Variants in AGFG1 observed in about 807,000 individuals in gnomAD.
AGFG1 encodes the protein arf-GAP domain and FG repeat-containing protein 1.
AGFG1 carries 10 observed loss-of-function variants against 60.6 expected under a neutral mutation model. That is an observed-to-expected ratio of 0.16 (90% CI 0.10 to 0.28). The LOEUF is 0.28. Among genes scored for constraint, AGFG1 ranks in the 10% least tolerant of loss-of-function variants. The pLI is 1.00. For synonymous variants in AGFG1, 247 were observed against 242.9 expected (o/e 1.02, Z -0.16); for missense variants, 537 against 676.5 (o/e 0.79, Z 2.29).
At chr2:227,496,078 A>T (rs1373502079) in intron 2 of AGFG1, among the ~76,000 whole-genome samples, 1 of 149,876 alleles carries the variant, frequency 6.7e-6, no homozygotes, top group Non-Finnish European at 1.5e-5. Flanking sequence ...GTGCCACTGC[A>T]CTTCAGCCTG....
At chr2:227,509,426 G>T (rs941740589) in intron 2 of AGFG1, among the ~76,000 whole-genome samples, 1 of 151,968 alleles carries the variant, frequency 6.6e-6, no homozygotes, top group Non-Finnish European at 1.5e-5. Flanking sequence ...TTTTCTTTTT[G>T]CTATAAAGGC....
chr2:227,480,744 C>G (rs1463133995), intron 1 of AGFG1, among the ~76,000 whole-genome samples: 1 of 152,196 alleles, frequency 6.6e-6, no homozygotes, highest in Non-Finnish European at 1.5e-5. Flanking sequence ...GTTAGATGCT[C>G]TGTTTCCAGG....
intron 9 of AGFG1, 69 bp from the exon 10 acceptor site, chr2:227,536,820 TTGATAAATATAG>T (rs1692329107): frequency 2.6e-6 from 4 of 1,541,648 alleles, no homozygotes; most frequent in Admixed American, 1.8e-5. Context: ...GTTTTCTGTC[TTGATAAATATAG>T]TGAAATAATT....
chr2:227,513,674 C>G (rs1227761963), intron 2 of AGFG1, among the ~76,000 whole-genome samples: 1 of 152,180 alleles, frequency 6.6e-6, no homozygotes, highest in Admixed American at 6.5e-5. Flanking sequence ...TTCAAATTAT[C>G]CAAATTGACT....
chr2:227,493,531 G>A (rs558393364), intron 2 of AGFG1, among the ~76,000 whole-genome samples: 1 of 152,262 alleles, frequency 6.6e-6, no homozygotes, highest in Non-Finnish European at 1.5e-5. Context: ...TAAATTTAGA[G>A]TATATAAAAA....
At chr2:227,530,018 G>A (rs1403693073) in intron 5 of AGFG1, among the ~76,000 whole-genome samples, 1 of 152,008 alleles carries the variant, frequency 6.6e-6, no homozygotes, top group Non-Finnish European at 1.5e-5. Flanking sequence ...AGATGAATTT[G>A]CTGAGGGCTG....
At position 227,556,199 on chromosome 2, in the gene AGFG1, A is replaced by G. The variant is rs549003703; in HGVS notation, c.*1704A>G. The G allele has an allele frequency of 1.3e-5, 2 of 152,364 alleles. No individual in the cohort carries two copies. Among genetic ancestry groups the G allele is most frequent in the African/African-American group, 2.4e-5 (1 of 41,584 alleles). 9.4% of individuals were successfully genotyped at this position (152,364 alleles called of 1,614,324 possible). A position where few individuals can be genotyped will look rare whatever the true frequency, so the allele number is the denominator to read the frequency against. ...AAAAAGCTTTGGTATTAAAAGAGGT[A>G]AACATCAGTTTCCTCAAACATTTTA... On this transcript the variant is annotated 3_prime_UTR_variant, in exon 13 of 13. Transcript: ENST00000310078.
At chr2:227,478,602 G>A (rs560241091) in intron 1 of AGFG1, among the ~76,000 whole-genome samples, 66 of 152,208 alleles carry the variant, frequency 4.3e-4, no homozygotes, top group South Asian at 3.5e-3. Flanking sequence ...CCAAATTGTG[G>A]GGATTACAGG....
At chr2:227,535,167 A>C in intron 8 of AGFG1, 142 bp downstream of exon 8, 1 of 915,780 alleles carries the variant, frequency 1.1e-6, no homozygotes, top group Non-Finnish European at 1.6e-6. Context: ...TTGAATTTAA[A>C]TGCTAATTAA....
In AGFG1 at chr2:227,472,550, G is replaced by C. The variant is rs752470294; in HGVS notation, c.129G>C (p.Thr43=). The C allele has an allele frequency of 6.3e-7, 1 of 1,581,364 alleles. No individual in the cohort carries two copies. Among genetic ancestry groups the C allele is most frequent in the South Asian group, 1.1e-5 (1 of 89,342 alleles). ...DQRGPTYVNM[T]VGSFVCTSCS... ...GCGGCCCCACCTACGTTAACATGAC[G>C]GTCGGCTCCTTCGTGTGTACCTCCT... is the stretch of plus-strand genomic sequence containing the variant. The change falls in exon 1 of 13, where the codon ACG becomes ACC. Residue 43 remains threonine (T), a synonymous_variant. Transcript: ENST00000310078.
In AGFG1 at chr2:227,555,127, A is replaced by G. The variant is rs894559078; in HGVS notation, c.*632A>G. On this transcript the variant is annotated 3_prime_UTR_variant, in exon 13 of 13. Transcript: ENST00000310078. ...AAAAATAAATATTATAAAATATGCTATTGTTTTTGTGTTCTTGCTGCAATG... is the reference window on the plus strand; with the variant it reads ...AAAAATAAATATTATAAAATATGCTGTTGTTTTTGTGTTCTTGCTGCAATG... 3 of 152,558 alleles carry G rather than the reference A, an allele frequency of 2.0e-5. No individual in the cohort carries two copies. The highest frequency in any genetic ancestry group is 6.5e-5 in the Admixed American group (1 of 15,274). 9.5% of individuals were successfully genotyped at this position (152,558 alleles called of 1,614,324 possible). A position where few individuals can be genotyped will look rare whatever the true frequency, so the allele number is the denominator to read the frequency against.
chr2:227,479,196 G>A (rs1690382936), intron 1 of AGFG1, among the ~76,000 whole-genome samples: 2 of 152,204 alleles, frequency 1.3e-5, no homozygotes, highest in African/African-American at 2.4e-5. Context: ...GTATAGTGCT[G>A]TGGGTACCTT....
chr2:227,511,181 G>A (rs536384161), intron 2 of AGFG1, among the ~76,000 whole-genome samples: 1 of 152,166 alleles, frequency 6.6e-6, no homozygotes, highest in East Asian at 1.9e-4. Flanking sequence ...TATTCCCTGT[G>A]CACATTCTAA....
In AGFG1 at chr2:227,559,679, GT is replaced by G. The variant is rs1228545526; in HGVS notation, c.*5186del. 2 of 152,122 alleles carry G rather than the reference GT, an allele frequency of 1.3e-5. No individual in the cohort carries two copies. Among genetic ancestry groups the G allele is most frequent in the African/African-American group, 4.8e-5 (2 of 41,412 alleles). The allele number at this position is 152,122 out of a possible 1,614,324, so 9.4% of individuals were successfully genotyped here. ...TCTGAAATCTTGAGATGTTATCCAA[GT>G]TACAATTTAAGCAATGAGAGTAAAA... On this transcript the variant is annotated 3_prime_UTR_variant, in exon 13 of 13. Transcript: ENST00000310078.
chr2:227,539,116 A>T (rs1208932887), intron 10 of AGFG1, among the ~76,000 whole-genome samples: 3 of 152,144 alleles, frequency 2.0e-5, no homozygotes, highest in Non-Finnish European at 1.5e-5. Flanking sequence ...CATCAAAGTT[A>T]ATATTATTTA....
chr2:227,479,757 A>T (rs989991417), intron 1 of AGFG1, among the ~76,000 whole-genome samples: 3 of 152,240 alleles, frequency 2.0e-5, no homozygotes, highest in African/African-American at 7.2e-5. Flanking sequence ...AAACGTTTTA[A>T]AATCAGTTAT....
chr2:227,554,238 G>T (rs1190325943), intron 12 of AGFG1, among the ~76,000 whole-genome samples, 198 bp from the exon 13 acceptor site: 2 of 152,140 alleles, frequency 1.3e-5, no homozygotes, highest in African/African-American at 4.8e-5. Context: ...TACTGGATAT[G>T]AAAGACGTAG....
At chr2:227,539,677 C>T (rs1033874650) in intron 10 of AGFG1, among the ~76,000 whole-genome samples, 2 of 134,666 alleles carry the variant, frequency 1.5e-5, no homozygotes, top group African/African-American at 5.7e-5. Context: ...CCTAGGAGGT[C>T]GAAATTACAG....
At position 227,560,188 on chromosome 2, in the gene AGFG1, A is replaced by C. The variant is rs1474036049; in HGVS notation, c.*5693A>C. ...TTGCCACCTTCCAGCTCTAACATTA[A>C]TGTCTCCAGGATTCCATTATATGGA... On this transcript the variant is annotated 3_prime_UTR_variant, in exon 13 of 13. Coordinates refer to ENST00000310078, the MANE Select transcript of AGFG1 (RefSeq NM_004504.5). The C allele has an allele frequency of 6.6e-6, 1 of 152,098 alleles. No individual in the cohort carries two copies. Among genetic ancestry groups the C allele is most frequent in the Non-Finnish European group, 1.5e-5 (1 of 67,982 alleles). The allele number at this position is 152,098 out of a possible 1,614,324, so 9.4% of individuals were successfully genotyped here. A position where few individuals can be genotyped will look rare whatever the true frequency, so the allele number is the denominator to read the frequency against.
Sources: allele counts gnomAD v4.1 joint callset (sites outside exome capture counted in the v4.1 genomes callset), GRCh38; gene constraint gnomAD v4.1.1; transcripts MANE v1.5; gene names NCBI Gene and HGNC (gene_info 2026-07-23, HGNC 2026-07-21).